The following ABR variants were observed in gnomAD, a reference collection of about 807,000 sequenced individuals.
ABR encodes ABR activator of RhoGEF and GTPase, also known as active breakpoint cluster region-related protein.
A neutral mutation model predicts 107.2 loss-of-function variants in ABR; 35 were observed. The ratio of observed to expected loss-of-function variants is 0.33; its 90% confidence interval spans 0.25 to 0.43. The LOEUF is 0.43. Ranked by LOEUF, ABR falls within the 20% of genes least tolerant of loss-of-function variation. The pLI, the probability that ABR is intolerant of heterozygous loss-of-function variation, is 1.00. For synonymous variants in ABR, 498 were observed against 462.0 expected (o/e 1.08, Z -1.00); for missense variants, 815 against 1,115.2 (o/e 0.73, Z 3.83).
rs575973131 is a variant in ABR, at chr17:1,209,932, G to A, written c.838+18861C>T. 8.5e-5 allele frequency among the ~76,000 whole-genome samples: 13 copies of A among 152,238 alleles called. No homozygotes were observed. In the South Asian group the frequency reaches 1.7e-3, roughly 19 times the overall value. ...TTATTTACAAATTCAGCAAATTTAC[G>A]AATCACAACAAAGCTGCCATCTTAA... On this transcript the variant is annotated intron_variant, in intron 1 of 22. Transcript: ENST00000574139.
At chr17:1,045,313 GGGACAATCTTCCATCTTCTTATAGCA>G (rs1567642236) in intron 16 of ABR, among the ~76,000 whole-genome samples, 5 of 151,586 alleles carry the variant, frequency 3.3e-5, no homozygotes, top group African/African-American at 7.3e-5. Context: ...GAATTCCTGC[GGGACAATCTTCCATCTTCTTATAGCA>G]GGACAATCTT....
At chr17:1,177,802 C>G (rs569211169) in intron 1 of ABR, 1 of 152,352 alleles carries the variant, frequency 6.6e-6, no homozygotes, top group South Asian at 2.1e-4. Context: ...AAGAGAGGGC[C>G]ACTAATCCTG....
intron 16 of ABR, among the ~76,000 whole-genome samples, chr17:1,030,205 A>G (rs1425567865): frequency 2.0e-5 from 3 of 152,254 alleles, no homozygotes; most frequent in Non-Finnish European, 2.9e-5. Flanking sequence ...GCATAGGGAA[A>G]GAACTGAAAG....
At chr17:1,021,615 C>T (rs1193357756) in intron 16 of ABR, among the ~76,000 whole-genome samples, 1 of 150,808 alleles carries the variant, frequency 6.6e-6, no homozygotes, top group Non-Finnish European at 1.5e-5. Flanking sequence ...ACCAACCTGA[C>T]CAACGTGGCG....
chr17:1,080,088 C>T (rs964674987), intron 5 of ABR, among the ~76,000 whole-genome samples: 3 of 152,080 alleles, frequency 2.0e-5, no homozygotes, highest in Admixed American at 6.5e-5. Context: ...ATCTTTAGGG[C>T]ATGAGGAACC....
intron 1 of ABR, among the ~76,000 whole-genome samples, chr17:1,128,582 C>T (rs1312611611): frequency 1.3e-5 from 2 of 152,302 alleles, no homozygotes; most frequent in East Asian, 3.9e-4. Context: ...CTGATTTAGC[C>T]GAAAGGTACA....
upstream of ABR, among the ~76,000 whole-genome samples, chr17:1,181,673 G>A (rs942178966): frequency 1.3e-5 from 2 of 152,196 alleles, no homozygotes; most frequent in South Asian, 2.1e-4. Flanking sequence ...GGAGGACCGC[G>A]AGGCCGGAGG....
intron 1 of ABR, among the ~76,000 whole-genome samples, chr17:1,127,139 G>A (rs1021661069): frequency 5.3e-5 from 8 of 152,110 alleles, no homozygotes; most frequent in African/African-American, 1.4e-4. Context: ...GCCTCTCCTC[G>A]TCCCTGAGCC....
chr17:1,182,493 G>A (rs1197381646), upstream of ABR, among the ~76,000 whole-genome samples: 9 of 152,034 alleles, frequency 5.9e-5, no homozygotes, highest in African/African-American at 1.2e-4. Context: ...TCAGCCTCCC[G>A]AGTAGCTGGG....
chr17:1,189,180 G>GT (rs2042379726), upstream of ABR, among the ~76,000 whole-genome samples: 1 of 152,126 alleles, frequency 6.6e-6, no homozygotes, highest in African/African-American at 2.4e-5. Flanking sequence ...TTTTGGCTGG[G>GT]TCCGTTGGTT....
chr17:1,027,072 A>AC lies in ABR; in HGVS notation c.1792-13909dup, dbSNP rs2072257483. ...TGCCTGGGGCAGCTCCCCCAGCCACACCTGCAGGCTTGGGGGCTCCTTCCA... is the reference window on the plus strand; with the variant it reads ...TGCCTGGGGCAGCTCCCCCAGCCACACCCTGCAGGCTTGGGGGCTCCTTCCA... On this transcript the variant is annotated intron_variant, in intron 16 of 22. Coordinates refer to ENST00000302538, the MANE Select transcript of ABR (RefSeq NM_021962.5). This position sits in a 1 kb window ranked among gnomAD's most constrained non-coding sequence, Gnocchi z 4.7. Among the ~76,000 whole-genome samples the AC allele has an allele frequency of 1.3e-5, 2 of 151,852 alleles. No individual in the cohort carries two copies. Among genetic ancestry groups the AC allele is most frequent in the East Asian group, 3.9e-4 (2 of 5,116 alleles).
At chr17:1,229,263 T>C (rs2043287569) in exon 1 of ABR, among the ~76,000 whole-genome samples, 1 of 151,360 alleles carries the variant, frequency 6.6e-6, no homozygotes, top group African/African-American at 2.4e-5. Flanking sequence ...GAGCTGCCGG[T>C]GGACGGCGTC....
Position 1,148,750 on chromosome 17 carries a change from G to A in ABR, c.62-23383C>T, listed in dbSNP as rs1233173720. On this transcript the variant is annotated intron_variant, in intron 1 of 22. Transcript: ENST00000302538. This position sits in a 1 kb window ranked among gnomAD's most constrained non-coding sequence, Gnocchi z 4.9. ...TCCCTGGTGCGCTGGTTTCACAGATGCGGAGTCTCAGTTTAGCCAGGTGAG... is the reference window on the plus strand; with the variant it reads ...TCCCTGGTGCGCTGGTTTCACAGATACGGAGTCTCAGTTTAGCCAGGTGAG... Among the ~76,000 whole-genome samples the A allele has an allele frequency of 2.6e-5, 4 of 152,212 alleles. No homozygotes were observed. Among genetic ancestry groups the A allele is most frequent in the African/African-American group, 7.2e-5 (3 of 41,458 alleles).
At chr17:1,096,085 C>A (rs1264202305) in intron 3 of ABR, among the ~76,000 whole-genome samples, 1 of 152,188 alleles carries the variant, frequency 6.6e-6, no homozygotes, top group Non-Finnish European at 1.5e-5. Context: ...AATTTCAATG[C>A]AGTTGGCTTC....
chr17:1,128,308 G>A (rs35582084), intron 1 of ABR, among the ~76,000 whole-genome samples: 10,846 of 152,280 alleles, frequency 0.071, 452 homozygotes, highest in Middle Eastern at 0.15. Flanking sequence ...AGTCTCCGAC[G>A]GCCACAGGTG....
chr17:1,083,867 C>A (rs1044613991), intron 4 of ABR: 17 of 490,734 alleles, frequency 3.5e-5, no homozygotes, highest in Non-Finnish European at 5.6e-5. Context: ...GTTGGGGAGA[C>A]CAGGCTAGGG....
At chr17:1,196,303 G>A (rs2042563949) in intron 1 of ABR, among the ~76,000 whole-genome samples, 1 of 151,872 alleles carries the variant, frequency 6.6e-6, no homozygotes, top group East Asian at 1.9e-4. Flanking sequence ...GGTGGCACGT[G>A]CCTGTAATCC....
At chr17:1,180,144 C>T (rs1051825588), upstream of ABR, among the ~76,000 whole-genome samples, 2 of 150,778 alleles carry the variant, frequency 1.3e-5, no homozygotes, top group African/African-American at 2.4e-5. Flanking sequence ...AGCGGGGCTC[C>T]GGCGCTGGGC....
At chr17:1,039,273 C>G (rs1026496849) in intron 16 of ABR, among the ~76,000 whole-genome samples, 7 of 151,924 alleles carry the variant, frequency 4.6e-5, no homozygotes, top group Non-Finnish European at 1.0e-4. Context: ...TGGAGGGGAG[C>G]GGGGGGAGCC....
Sources: gnomAD v4.1 joint callset for allele counts (sites outside exome capture counted in the v4.1 genomes callset) on GRCh38, gnomAD v4.1.1 for gene constraint, Gnocchi (gnomAD v3.1) non-coding constraint, MANE v1.5 for transcripts, NCBI Gene and HGNC (gene_info 2026-07-23, HGNC 2026-07-21) for gene names.